Variants in RTL4 observed in about 807,000 individuals in gnomAD.
RTL4 encodes retrotransposon Gag like 4.
RTL4 carries 4 observed loss-of-function variants against 5.3 expected under a neutral mutation model. The ratio of observed to expected loss-of-function variants is 0.75; its 90% CI spans 0.37 to 1.72. The LOEUF is 1.72. Ranked by LOEUF, RTL4 falls within the 40% of genes most tolerant of loss-of-function variation. RTL4 has a pLI of 0.04. For synonymous variants in RTL4, 98 were observed against 87.3 expected (o/e 1.12, Z -0.68); for missense variants, 260 against 227.1 (o/e 1.14, Z -0.93).
the RTL4 span, among the ~76,000 whole-genome samples, chrX:112,159,377 A>G: frequency 3.6e-5 from 4 of 112,060 alleles, no homozygotes; most frequent in African/African-American, 1.3e-4. Flanking sequence ...TAAGTCCCAG[A>G]GAGGTTCAGT....
the RTL4 span, among the ~76,000 whole-genome samples, chrX:112,239,482 C>T: frequency 9.0e-6 from 1 of 111,487 alleles, no homozygotes; most frequent in Non-Finnish European, 1.9e-5. Flanking sequence ...CTGCTTTTCG[C>T]CTTCCTGGTG....
At chrX:112,387,833 T>G in the RTL4 span, among the ~76,000 whole-genome samples, 1 of 111,993 alleles carries the variant, frequency 8.9e-6, no homozygotes, top group South Asian at 3.8e-4. Flanking sequence ...CCCCATAGTA[T>G]AGTTTGAAGT....
chrX:112,388,692 C>T, the RTL4 span, among the ~76,000 whole-genome samples: 1 of 112,141 alleles, frequency 8.9e-6, no homozygotes, highest in Non-Finnish European at 1.9e-5. Context: ...GCCCTTAATT[C>T]GCTTTATATG....
the RTL4 span, among the ~76,000 whole-genome samples, chrX:112,083,769 G>A: frequency 3.6e-5 from 4 of 111,062 alleles, no homozygotes; most frequent in Non-Finnish European, 5.7e-5. Context: ...TTATAGCCTG[G>A]CGCTCAGAAT....
the RTL4 span, among the ~76,000 whole-genome samples, chrX:112,090,140 G>A: frequency 4.6e-5 from 5 of 109,549 alleles, no homozygotes; most frequent in Admixed American, 4.9e-4. Context: ...GATTCTTTAG[G>A]ATTTCTTATA....
the RTL4 span, among the ~76,000 whole-genome samples, chrX:112,289,311 T>A: frequency 1.8e-5 from 2 of 112,393 alleles, no homozygotes; most frequent in Non-Finnish European, 3.8e-5. Flanking sequence ...AGTGGATGTT[T>A]ATGAAAAGCC....
the RTL4 span, among the ~76,000 whole-genome samples, chrX:112,332,258 G>A: frequency 2.7e-5 from 3 of 110,718 alleles, no homozygotes; most frequent in South Asian, 3.9e-4. Context: ...TTCAACCATC[G>A]TGGAAGACAG....
At chrX:112,444,968 T>C in the RTL4 span, among the ~76,000 whole-genome samples, 1 of 112,053 alleles carries the variant, frequency 8.9e-6, no homozygotes, top group African/African-American at 3.2e-5. Context: ...TTTGGTTTTA[T>C]TGATGTTTTG....
the RTL4 span, among the ~76,000 whole-genome samples, chrX:112,165,181 A>G: frequency 1.8e-5 from 2 of 111,993 alleles, no homozygotes; most frequent in African/African-American, 6.5e-5. Context: ...CTCATTTCAG[A>G]CACTCAGAAT....
At chrX:112,264,057 G>A in the RTL4 span, among the ~76,000 whole-genome samples, 2 of 111,579 alleles carry the variant, frequency 1.8e-5, no homozygotes, top group Non-Finnish European at 3.8e-5. Context: ...AGAGGCTTAG[G>A]CATCCCTGGA....
the RTL4 span, among the ~76,000 whole-genome samples, chrX:112,295,260 G>A: frequency 9.0e-6 from 1 of 110,747 alleles, no homozygotes; most frequent in African/African-American, 3.3e-5. Context: ...CCTTCTCATA[G>A]TCTTCCACCA....
chrX:112,352,284 T>C, the RTL4 span, among the ~76,000 whole-genome samples: 3 of 110,378 alleles, frequency 2.7e-5, no homozygotes, highest in African/African-American at 9.9e-5. Flanking sequence ...GACCTTTCTC[T>C]CCATCAAGCT....
chrX:112,232,983 G>T, the RTL4 span, among the ~76,000 whole-genome samples: 1 of 111,511 alleles, frequency 9.0e-6, no homozygotes, highest in Admixed American at 9.5e-5. Context: ...TAAGGCAGTA[G>T]GAAGGATGTT....
chrX:112,435,689 G>A, the RTL4 span, among the ~76,000 whole-genome samples: 2 of 111,712 alleles, frequency 1.8e-5, no homozygotes, highest in African/African-American at 6.5e-5. Context: ...TTAGAAGGAA[G>A]CTAGAAAAAG....
At chrX:112,187,252 T>C in the RTL4 span, among the ~76,000 whole-genome samples, 1 of 112,224 alleles carries the variant, frequency 8.9e-6, no homozygotes, top group Non-Finnish European at 1.9e-5. Flanking sequence ...CCTCAATTAC[T>C]CTCTTTGAGT....
At chrX:112,387,071 G>A in the RTL4 span, among the ~76,000 whole-genome samples, 1,225 of 110,305 alleles carry the variant, frequency 0.011, 27 homozygotes, top group African/African-American at 0.039. Context: ...AGGTGGTATC[G>A]CATTGTGATT....
At chrX:112,121,395 C>A in the RTL4 span, among the ~76,000 whole-genome samples, 1 of 111,422 alleles carries the variant, frequency 9.0e-6, no homozygotes, top group Non-Finnish European at 1.9e-5. Flanking sequence ...ACAAAAAGAA[C>A]AAATTTCTAG....
chrX:112,179,897 G>C, the RTL4 span, among the ~76,000 whole-genome samples: 3 of 111,921 alleles, frequency 2.7e-5, no homozygotes, highest in African/African-American at 9.7e-5. Context: ...ACAAATGCTA[G>C]TGCTAGGGTA....
chrX:112,200,263 G>A, the RTL4 span, among the ~76,000 whole-genome samples: 1 of 111,876 alleles, frequency 8.9e-6, no homozygotes, highest in African/African-American at 3.2e-5. Flanking sequence ...ATGTGACAGG[G>A]GGAAAGAGAC....
Sources: gnomAD v4.1 joint callset for allele counts (sites outside exome capture counted in the v4.1 genomes callset) on GRCh38, gnomAD v4.1.1 for gene constraint, MANE v1.5 for transcripts, NCBI Gene and HGNC (gene_info 2026-07-23, HGNC 2026-07-21) for gene names.